RHOU: variants seen among roughly 807,000 people sequenced by gnomAD.
RHOU encodes the protein rho-related GTP-binding protein RhoU.
A neutral mutation model predicts 12.6 loss-of-function variants in RHOU; 8 were observed. The ratio of observed to expected loss-of-function variants is 0.64; its 90% CI spans 0.37 to 1.15. RHOU has a LOEUF of 1.15. Ranked by LOEUF, RHOU falls within the 50% of genes most tolerant of loss-of-function variation. The pLI, the probability that RHOU is intolerant of heterozygous loss-of-function variation, is 0.01. For missense variants in RHOU, 258 were observed against 347.0 expected (o/e 0.74, Z 2.04); for synonymous variants, 161 against 147.4 (o/e 1.09, Z -0.67).
At chr1:228,652,227 G>A in the RHOU span, among the ~76,000 whole-genome samples, 2 of 152,248 alleles carry the variant, frequency 1.3e-5, no homozygotes, top group Non-Finnish European at 2.9e-5. Flanking sequence ...TCCTGGGTCA[G>A]TAATATTGAA....
the RHOU span, among the ~76,000 whole-genome samples, chr1:228,646,796 A>G: frequency 6.6e-6 from 1 of 151,992 alleles, no homozygotes. Flanking sequence ...ACGGGTGCGC[A>G]GACGCACGCA....
the RHOU span, among the ~76,000 whole-genome samples, chr1:228,702,321 GAGGTCCCATCTGGGTCCTAA>G: frequency 6.6e-6 from 1 of 152,152 alleles, no homozygotes; most frequent in Admixed American, 6.6e-5. Context: ...GCTATAAGGG[GAGGTCCCATCTGGGTCCTAA>G]ATTTACATAC....
At chr1:228,724,100 G>A in the RHOU span, among the ~76,000 whole-genome samples, 80,276 of 152,066 alleles carry the variant, frequency 0.53, 23,970 homozygotes, top group African/African-American at 0.84. Flanking sequence ...TTTATTTTGA[G>A]TGTTGCACTG....
chr1:228,744,513 AT>A lies in RHOU; in HGVS notation c.*774del, dbSNP rs1002555407. 6.6e-6 allele frequency: 1 copy of A among 152,170 alleles called. No homozygotes were observed. The highest frequency in any genetic ancestry group is 2.4e-5 in the African/African-American group (1 of 41,424). 9.4% of individuals were successfully genotyped at this position (152,170 alleles called of 1,614,324 possible). On this transcript the variant is annotated 3_prime_UTR_variant, in exon 3 of 3. Coordinates refer to ENST00000366691, the MANE Select transcript of RHOU (RefSeq NM_021205.6). ...GTTTTAGGGAGTGGTTCCTGTGGAGATCAGAAAGTGACATTTGCTTTCGGTA... is the reference window on the plus strand; with the variant it reads ...GTTTTAGGGAGTGGTTCCTGTGGAGACAGAAAGTGACATTTGCTTTCGGTA...
the RHOU span, among the ~76,000 whole-genome samples, chr1:228,700,494 A>G: frequency 6.6e-6 from 1 of 152,270 alleles, no homozygotes; most frequent in Admixed American, 6.5e-5. Context: ...TTTTTCATGA[A>G]CTTCCTTGAA....
upstream of RHOU, chr1:228,735,267 T>A (rs1662571023): frequency 6.6e-6 from 1 of 152,108 alleles, no homozygotes; most frequent in Non-Finnish European, 1.5e-5. The surrounding 1 kb of genome is among the most constrained non-coding windows in gnomAD (Gnocchi z 8.1). Context: ...GAACGTGTGT[T>A]CCAGGTCCTC....
chr1:228,712,113 C>T, the RHOU span, among the ~76,000 whole-genome samples: 1 of 138,642 alleles, frequency 7.2e-6, no homozygotes, highest in African/African-American at 2.7e-5. Flanking sequence ...CAATGAGATA[C>T]CATTTCACAC....
At chr1:228,711,468 T>C in the RHOU span, among the ~76,000 whole-genome samples, 2 of 151,830 alleles carry the variant, frequency 1.3e-5, no homozygotes, top group Non-Finnish European at 2.9e-5. Flanking sequence ...GAGATATAGA[T>C]CAATGGAACA....
chr1:228,672,219 G>A, the RHOU span, among the ~76,000 whole-genome samples: 2 of 152,180 alleles, frequency 1.3e-5, no homozygotes, highest in African/African-American at 2.4e-5. Context: ...CCAGGCTGGA[G>A]TGCAATGGTG....
At chr1:228,660,933 CAAA>C in the RHOU span, among the ~76,000 whole-genome samples, 8,349 of 116,490 alleles carry the variant, frequency 0.072, 418 homozygotes, top group African/African-American at 0.15. Flanking sequence ...AACTCTGTCT[CAAA>C]AAAAAAAAAA....
chr1:228,714,620 T>G, the RHOU span, among the ~76,000 whole-genome samples: 1 of 152,158 alleles, frequency 6.6e-6, no homozygotes, highest in Non-Finnish European at 1.5e-5. Context: ...AAATAGCCTC[T>G]TGTGATTTAT....
the RHOU span, among the ~76,000 whole-genome samples, chr1:228,646,689 G>A: frequency 1.3e-5 from 2 of 149,946 alleles, no homozygotes; most frequent in Non-Finnish European, 3.0e-5. Context: ...GAGGGCCTGA[G>A]AGAAACCCAG....
chr1:228,668,484 T>C, the RHOU span, among the ~76,000 whole-genome samples: 2 of 152,168 alleles, frequency 1.3e-5, no homozygotes, highest in South Asian at 2.1e-4. Flanking sequence ...TCTTGGTAGA[T>C]AGTGCCAGAG....
the RHOU span, among the ~76,000 whole-genome samples, chr1:228,646,946 C>G: frequency 6.6e-6 from 1 of 151,798 alleles, no homozygotes; most frequent in South Asian, 2.1e-4. Flanking sequence ...GAGAGAGAGG[C>G]TAAGAGGGAC....
chr1:228,743,381 A>G lies in RHOU; in HGVS notation c.418A>G (p.Ser140Gly), dbSNP rs1288246931. 1.2e-5 allele frequency: 19 copies of G among 1,614,072 alleles called. No individual in the cohort carries two copies. The highest frequency in any genetic ancestry group is 1.5e-5 in the Non-Finnish European group (18 of 1,180,038). Residue 140 changes from serine (S) to glycine (G), a missense_variant, in exon 3 of 3, where the codon AGT becomes GGT. Transcript: ENST00000366691. The surrounding 1 kb of genome is among the most constrained non-coding windows in gnomAD (Gnocchi z 5.1). ...GAGCCCCTCATCCTTCCAGAACGTC[A>G]GTGAGAAATGGGTGCCGGAGATTCG... Reference protein sequence around the residue: ...VVSPSSFQNVSEKWVPEIRCH... With the variant: ...VVSPSSFQNVGEKWVPEIRCH...
chr1:228,692,246 T>C, the RHOU span, among the ~76,000 whole-genome samples: 1 of 152,170 alleles, frequency 6.6e-6, no homozygotes, highest in African/African-American at 2.4e-5. Context: ...GAGCAGAAAA[T>C]CCAATGTGTG....
rs1474567002 is a variant in RHOU at position 228,745,961 on chromosome 1, ACCT to A, written c.*2225_*2227del. ...TGGTCTCCCTGGAGGGGACTTCCAC[ACCT>A]CCTGCCTTTAGGCCATGGGTGGAAA... On this transcript the variant is annotated 3_prime_UTR_variant, in exon 3 of 3. Transcript: ENST00000366691. The A allele has an allele frequency of 6.6e-6, 1 of 152,276 alleles. No individual in the cohort carries two copies. Among genetic ancestry groups the A allele is most frequent in the East Asian group, 1.9e-4 (1 of 5,180 alleles). The allele number at this position is 152,276 out of a possible 1,614,324, so 9.4% of individuals were successfully genotyped here.
At chr1:228,723,429 A>G in the RHOU span, among the ~76,000 whole-genome samples, 1 of 152,210 alleles carries the variant, frequency 6.6e-6, no homozygotes, top group Admixed American at 6.5e-5. Context: ...GCCCCTGAAG[A>G]AACTAGCCCT....
chr1:228,735,775 C>T lies in RHOU; in HGVS notation c.33C>T (p.Pro11=). Residue 11 remains proline, a synonymous_variant, in exon 1 of 3, where the codon CCC becomes CCT. Transcript: ENST00000366691. The surrounding 1 kb of genome is among the most constrained non-coding windows in gnomAD (Gnocchi z 8.1). MPPQQGDPAF[P]DRCEAPPVPP... ...CGCAGCAGGGGGACCCCGCGTTCCC[C>T]GACCGCTGCGAGGCGCCTCCGGTGC... is the stretch of plus-strand genomic sequence containing the variant. 8.2e-7 allele frequency: 1 copy of T among 1,212,532 alleles called. No homozygotes were observed. The highest frequency in any genetic ancestry group is 1.0e-6 in the Non-Finnish European group (1 of 976,604). The allele number at this position is 1,212,532 out of a possible 1,614,324, so 75.1% of individuals were successfully genotyped here. A position where few individuals can be genotyped will look rare whatever the true frequency, so the allele number is the denominator to read the frequency against.
Sources: gnomAD v4.1 joint callset for allele counts (sites outside exome capture counted in the v4.1 genomes callset) on GRCh38, gnomAD v4.1.1 for gene constraint, Gnocchi (gnomAD v3.1) non-coding constraint, MANE v1.5 for transcripts, NCBI Gene and HGNC (gene_info 2026-07-23, HGNC 2026-07-21) for gene names.